KIF1B: variants seen among roughly 807,000 people sequenced by gnomAD.
The protein encoded by KIF1B is kinesin-like protein KIF1B.
A neutral mutation model predicts 241.9 loss-of-function variants in KIF1B; 76 were observed. The ratio of observed to expected loss-of-function variants is 0.31; its 90% confidence interval spans 0.26 to 0.38. The LOEUF (loss-of-function observed/expected upper bound fraction) is 0.38. Among genes scored for constraint, KIF1B ranks in the 10% least tolerant of loss-of-function variants. The pLI is 1.00. For synonymous variants in KIF1B, 750 were observed against 796.7 expected (o/e 0.94, Z 0.99); for missense variants, 1,622 against 2,271.4 (o/e 0.71, Z 5.81).
At chr1:10,258,858 CAT>C (rs1557670323) in intron 4 of KIF1B, among the ~76,000 whole-genome samples, 186 bp downstream of exon 4, 1 of 152,194 alleles carries the variant, frequency 6.6e-6, no homozygotes. Flanking sequence ...GACATGTACA[CAT>C]GTCTGTCATT....
rs904481914 is a variant in KIF1B, at chr1:10,324,183, T to C, written c.2537+121T>C. 8 of 988,364 alleles carry C rather than the reference T, an allele frequency of 8.1e-6. No individual in the cohort carries two copies. The African/African-American group carries it at 1.3e-4, about 16-fold the overall frequency. 61.2% of individuals were successfully genotyped at this position (988,364 alleles called of 1,614,324 possible). Reference sequence around the variant, plus strand: ...CTGTTGCTTACTTCCCTGTACTTTCTAAATGCTGTTGTTGGCCAATGGTAT... The same window carrying C: ...CTGTTGCTTACTTCCCTGTACTTTCCAAATGCTGTTGTTGGCCAATGGTAT... On this transcript the variant is annotated intron_variant, in intron 25 of 48. Transcript: ENST00000676179.
intron 2 of KIF1B, among the ~76,000 whole-genome samples, chr1:10,255,583 C>CT (rs1172053401): frequency 2.0e-5 from 3 of 152,110 alleles, no homozygotes; most frequent in Non-Finnish European, 4.4e-5. Context: ...GAGCAAGACT[C>CT]TGTCTTCAAA....
At chr1:10,227,345 G>T (rs1343547176) in intron 1 of KIF1B, among the ~76,000 whole-genome samples, 1 of 152,184 alleles carries the variant, frequency 6.6e-6, no homozygotes, top group East Asian at 1.9e-4. Flanking sequence ...CAAGCCCAGG[G>T]TTATAAAACC....
chr1:10,356,357 T>G (rs892449945), intron 38 of KIF1B, among the ~76,000 whole-genome samples: 3 of 151,874 alleles, frequency 2.0e-5, no homozygotes, highest in Non-Finnish European at 4.4e-5. Context: ...AGAGCGAGAC[T>G]CTGTCTCGAA....
At chr1:10,305,724 A>T (rs929606783) in intron 22 of KIF1B, 6 of 1,057,468 alleles carry the variant, frequency 5.7e-6, no homozygotes, top group African/African-American at 1.6e-5. Context: ...GATTTATTGT[A>T]TCAATACCTC....
intron 38 of KIF1B, among the ~76,000 whole-genome samples, chr1:10,354,115 G>C (rs1652894870): frequency 6.6e-6 from 1 of 152,186 alleles, no homozygotes; most frequent in African/African-American, 2.4e-5. Context: ...CAGGTCAGGT[G>C]CTACAAGAAA....
At position 10,221,393 on chromosome 1, in the gene KIF1B, C is replaced by T. The variant is rs568407850; in HGVS notation, c.-80+10515C>T. On this transcript the variant is annotated intron_variant, in intron 1 of 48. Coordinates refer to ENST00000676179, the MANE Select transcript of KIF1B (RefSeq NM_001365951.3). ...GATTACAGGCATGAGCTATTGCGCC[C>T]GGCCTCCTTTTCTAATATATGATTC... is the stretch of plus-strand genomic sequence containing the variant. 4.6e-5 allele frequency among the ~76,000 whole-genome samples: 7 copies of T among 152,234 alleles called. No individual in the cohort carries two copies. The South Asian group carries it at 6.2e-4, about 14-fold the overall frequency.
chr1:10,316,745 G>A (rs12734068), intron 22 of KIF1B, among the ~76,000 whole-genome samples: 37,092 of 151,400 alleles, frequency 0.24, 5,356 homozygotes, highest in Admixed American at 0.31. Context: ...CAAGCAGTTT[G>A]CCTGCCTCAG....
intron 15 of KIF1B, among the ~76,000 whole-genome samples, chr1:10,288,620 A>G (rs549729486): frequency 1.3e-5 from 2 of 152,140 alleles, no homozygotes; most frequent in Non-Finnish European, 2.9e-5. Flanking sequence ...TACCTCCTAC[A>G]TGGCTGCCTT....
chr1:10,312,828 A>G (rs748692635), intron 22 of KIF1B, among the ~76,000 whole-genome samples: 43 of 151,192 alleles, frequency 2.8e-4, no homozygotes, highest in Non-Finnish European at 5.3e-4. Flanking sequence ...TATTTTGTTT[A>G]CTCTTTATCA....
intron 45 of KIF1B, among the ~76,000 whole-genome samples, chr1:10,371,548 C>T (rs1389236302): frequency 3.3e-5 from 5 of 152,162 alleles, no homozygotes; most frequent in Non-Finnish European, 5.9e-5. Flanking sequence ...CTTGTCTCCC[C>T]AGTCATAATA....
chr1:10,282,411 T>C lies in KIF1B; in HGVS notation c.1312T>C (p.Ser438Pro). ...CCATTTTTCCACAGCATCCATGGGGTCCCTCACTTCATCCCCATCTTCCTG... is the reference window on the plus strand; with the variant it reads ...CCATTTTTCCACAGCATCCATGGGGCCCCTCACTTCATCCCCATCTTCCTG... ...PGHFSTASMG[S>P]LTSSPSSCSL... The change falls in exon 15 of 49, where the codon TCC becomes CCC. Residue 438 changes from serine to proline, a missense_variant. Physicochemically the swap from Ser to Pro is moderately conservative, Grantham distance 74 (BLOSUM62 -1). Transcript: ENST00000676179. The C allele has an allele frequency of 6.2e-7, 1 of 1,614,056 alleles. No homozygotes were observed. Among genetic ancestry groups the C allele is most frequent in the Non-Finnish European group, 8.5e-7 (1 of 1,179,956 alleles).
Position 10,365,197 on chromosome 1 carries a change from C to T in KIF1B, c.4464C>T (p.Leu1488=), listed in dbSNP as rs1448179104. 1.2e-6 allele frequency: 2 copies of T among 1,614,060 alleles called. No homozygotes were observed. The highest frequency in any genetic ancestry group is 2.2e-5 in the East Asian group (1 of 44,886). ...GCTGGCGGCCCCGTGGAGACAGCCTCATCCTTGAGCACCAGTGGGAGCTGG... is the reference window on the plus strand; with the variant it reads ...GCTGGCGGCCCCGTGGAGACAGCCTTATCCTTGAGCACCAGTGGGAGCTGG... ...LAGWRPRGDS[L]ILEHQWELEK... Residue 1488 remains leucine, a synonymous_variant, in exon 42 of 49, where the codon CTC becomes CTT. Transcript: ENST00000676179. This position sits in a 1 kb window ranked among gnomAD's most constrained non-coding sequence, Gnocchi z 4.0.
chr1:10,266,200 G>T (rs1047594185), intron 5 of KIF1B, among the ~76,000 whole-genome samples: 1 of 152,174 alleles, frequency 6.6e-6, no homozygotes, highest in African/African-American at 2.4e-5. Context: ...AAACCAACTT[G>T]TTGGTTTGTT....
At chr1:10,308,446 G>A in intron 22 of KIF1B, 1 of 1,041,886 alleles carries the variant, frequency 9.6e-7, no homozygotes, top group South Asian at 4.6e-5. Flanking sequence ...TTAATAAACT[G>A]TGGATTTCCC....
intron 38 of KIF1B, among the ~76,000 whole-genome samples, chr1:10,353,726 G>C (rs1377308320): frequency 6.6e-6 from 1 of 152,160 alleles, no homozygotes; most frequent in Non-Finnish European, 1.5e-5. Context: ...CCATAGGAAA[G>C]AGAAAAAAGA....
In KIF1B at chr1:10,374,451, A is replaced by C; in HGVS notation, c.5082A>C (p.Glu1694Asp). Residue 1694 changes from glutamate to aspartate, a missense_variant, in exon 46 of 49, where the codon GAA (glutamate) becomes GAC (aspartate). Coordinates refer to ENST00000676179, the MANE Select transcript of KIF1B (RefSeq NM_001365951.3). This position sits in a 1 kb window ranked among gnomAD's most constrained non-coding sequence, Gnocchi z 4.3. ...NEFLNLVPDI[E>D]EIRPSSVVSK... is the part of the protein sequence containing the mutation. ...TTCTCAATCTTGTTCCAGATATTGA[A>C]GAAATTAGACCAAGGTGAGTACTAT... 1 of 1,614,250 alleles carries C rather than the reference A, an allele frequency of 6.2e-7. No homozygotes were observed. Among genetic ancestry groups the C allele is most frequent in the Non-Finnish European group, 8.5e-7 (1 of 1,180,048 alleles).
At chr1:10,229,686 C>G (rs1646953180) in intron 1 of KIF1B, among the ~76,000 whole-genome samples, 1 of 150,218 alleles carries the variant, frequency 6.7e-6, no homozygotes, top group Non-Finnish European at 1.5e-5. Flanking sequence ...GAAACCCCAT[C>G]TCTACTAAAA....
chr1:10,212,472 A>T (rs1003809971), intron 1 of KIF1B, among the ~76,000 whole-genome samples: 1 of 152,156 alleles, frequency 6.6e-6, no homozygotes, highest in African/African-American at 2.4e-5. Context: ...TCTATATCCT[A>T]GATGTGGACA....
Sources: allele counts gnomAD v4.1 joint callset (sites outside exome capture counted in the v4.1 genomes callset), GRCh38; gene constraint gnomAD v4.1.1; non-coding constraint Gnocchi (gnomAD v3.1); transcripts MANE v1.5; gene names NCBI Gene and HGNC (gene_info 2026-07-23, HGNC 2026-07-21).